CLSTN2: variants seen among roughly 807,000 people sequenced by gnomAD.
The protein encoded by CLSTN2 is calsyntenin 2, also known as calsyntenin-2.
CLSTN2 carries 48 observed loss-of-function variants against 101.2 expected under a neutral mutation model. The observed-to-expected ratio is 0.47, with a 90% confidence interval of 0.38 to 0.60. The LOEUF (loss-of-function observed/expected upper bound fraction) is 0.60, where lower values mean the gene tolerates loss of function less well. CLSTN2 is among the 20% of genes least tolerant of loss of function. The pLI is 0.00. For synonymous variants in CLSTN2, 481 were observed against 463.6 expected (o/e 1.04, Z -0.48); for missense variants, 1,160 against 1,238.2 (o/e 0.94, Z 0.95).
chr3:140,307,636 C>T (rs1472270164), intron 2 of CLSTN2, among the ~76,000 whole-genome samples: 2 of 152,096 alleles, frequency 1.3e-5, no homozygotes, highest in African/African-American at 4.8e-5. Context: ...TAGAGGGTAC[C>T]CATTAAATGT....
intron 2 of CLSTN2, among the ~76,000 whole-genome samples, chr3:140,402,425 G>T: frequency 6.6e-6 from 1 of 152,186 alleles, no homozygotes; most frequent in East Asian, 1.9e-4. Context: ...GGAATAAATT[G>T]ATATAAAATA....
intron 1 of CLSTN2, among the ~76,000 whole-genome samples, chr3:140,084,816 C>A (rs903571863): frequency 3.9e-5 from 6 of 152,200 alleles, no homozygotes; most frequent in African/African-American, 1.4e-4. Context: ...TCTACTCCTG[C>A]TTACCTACTT....
Position 140,076,625 on chromosome 3 carries a change from GTTT to G in CLSTN2, c.110-99300_110-99298del, listed in dbSNP as rs35645750. 6.3e-3 allele frequency among the ~76,000 whole-genome samples: 241 copies of G among 38,062 alleles called. 1 individual carries two copies. Among genetic ancestry groups the G allele is most frequent in the South Asian group, 0.014 (7 of 518 alleles). The allele number at this position is 38,062 out of a possible 152,430, so 25.0% of individuals were successfully genotyped here. ...CAATGACTCCCCTCTCACCAGCAGT[GTTT>G]TTTTTTTTTTTTTTTTTTTTTTTTT... On this transcript the variant is annotated intron_variant, in intron 1 of 16. Transcript: ENST00000458420.
intron 2 of CLSTN2, among the ~76,000 whole-genome samples, chr3:140,358,665 T>C (rs2087698353): frequency 6.6e-6 from 1 of 152,154 alleles, no homozygotes; most frequent in South Asian, 2.1e-4. Flanking sequence ...TTCTCAATAC[T>C]GGCAACTTAT....
rs1047182346 is a variant in CLSTN2, at chr3:140,207,355, C to A, written c.232+31282C>A. Among the ~76,000 whole-genome samples the A allele has an allele frequency of 3.3e-5, 5 of 152,262 alleles. No individual in the cohort carries two copies. The East Asian group carries it at 9.6e-4, about 29-fold the overall frequency. On this transcript the variant is annotated intron_variant, in intron 2 of 16. Transcript: ENST00000458420. The stretch of plus-strand genomic sequence containing the variant: ...AGAAAGGAGTTGGTCTAAAGATTCA[C>A]CATTCCCATCTTACCATTATATTTT...
intron 2 of CLSTN2, among the ~76,000 whole-genome samples, chr3:140,371,476 CAG>C (rs1360286067): frequency 6.6e-6 from 1 of 152,154 alleles, no homozygotes; most frequent in East Asian, 1.9e-4. Context: ...TGACCTTCCT[CAG>C]GGCTGGCTGG....
At chr3:140,198,396 G>A (rs1276744986) in intron 2 of CLSTN2, among the ~76,000 whole-genome samples, 1 of 152,128 alleles carries the variant, frequency 6.6e-6, no homozygotes, top group African/African-American at 2.4e-5. Flanking sequence ...AGCGTGACTG[G>A]GCCCTCTGTT....
chr3:140,188,643 A>C (rs2010515072), intron 2 of CLSTN2, among the ~76,000 whole-genome samples: 2 of 152,206 alleles, frequency 1.3e-5, no homozygotes, highest in African/African-American at 4.8e-5. Context: ...GAGACAGAGC[A>C]AGGAAAGAGA....
chr3:140,179,401 T>G (rs928143341), intron 2 of CLSTN2, among the ~76,000 whole-genome samples: 2 of 151,148 alleles, frequency 1.3e-5, no homozygotes, highest in African/African-American at 4.9e-5. Context: ...GAGGATTGCT[T>G]GAGCCCAGGA....
chr3:140,170,372 T>C (rs936050135), intron 1 of CLSTN2, among the ~76,000 whole-genome samples: 1 of 152,188 alleles, frequency 6.6e-6, no homozygotes, highest in Non-Finnish European at 1.5e-5. Flanking sequence ...GAATCAATCT[T>C]GACAAAGCAA....
At chr3:140,103,905 G>C (rs2009009718) in intron 1 of CLSTN2, among the ~76,000 whole-genome samples, 2 of 152,174 alleles carry the variant, frequency 1.3e-5, no homozygotes, top group Admixed American at 1.3e-4. Flanking sequence ...AATAATATCT[G>C]CCAATAATTG....
intron 2 of CLSTN2, among the ~76,000 whole-genome samples, chr3:140,207,991 GTCTC>G (rs1184502664): frequency 2.0e-5 from 3 of 152,122 alleles, no homozygotes; most frequent in Non-Finnish European, 4.4e-5. Context: ...ATGCAAAAAT[GTCTC>G]TCTCTAACTT....
intron 2 of CLSTN2, among the ~76,000 whole-genome samples, chr3:140,295,266 C>A (rs181651237): frequency 6.6e-6 from 1 of 151,988 alleles, no homozygotes. Context: ...ATTTTCTTTG[C>A]GCATTTCTTT....
chr3:140,451,778 T>C (rs1933257982), intron 6 of CLSTN2, among the ~76,000 whole-genome samples: 1 of 152,184 alleles, frequency 6.6e-6, no homozygotes, highest in African/African-American at 2.4e-5. Flanking sequence ...TCTGTGTGTC[T>C]TCAGTGGATG....
chr3:140,471,225 G>A (rs1280936693), intron 8 of CLSTN2, among the ~76,000 whole-genome samples: 1 of 152,144 alleles, frequency 6.6e-6, no homozygotes, highest in Non-Finnish European at 1.5e-5. Context: ...AGCACACACA[G>A]GATAGGTTGA....
chr3:140,005,141 C>A (rs1355279695), intron 1 of CLSTN2, among the ~76,000 whole-genome samples: 3 of 152,130 alleles, frequency 2.0e-5, no homozygotes, highest in Non-Finnish European at 4.4e-5. Context: ...GCACTAGAGA[C>A]CTTGGCCCAG....
intron 10 of CLSTN2, among the ~76,000 whole-genome samples, chr3:140,553,827 G>A (rs2107790038): frequency 6.6e-6 from 1 of 152,302 alleles, no homozygotes; most frequent in Non-Finnish European, 1.5e-5. Context: ...ACTGAGAAGT[G>A]TAGCCTCCGC....
At chr3:140,130,294 G>A (rs940882832) in intron 1 of CLSTN2, among the ~76,000 whole-genome samples, 2 of 152,194 alleles carry the variant, frequency 1.3e-5, no homozygotes, top group Non-Finnish European at 2.9e-5. Flanking sequence ...AAAAATTACA[G>A]TGCTCAGGGA....
intron 2 of CLSTN2, among the ~76,000 whole-genome samples, chr3:140,234,484 T>A (rs1276248899): frequency 6.6e-6 from 1 of 152,114 alleles, no homozygotes; most frequent in African/African-American, 2.4e-5. Flanking sequence ...GAAAGTAACA[T>A]CTAGCTACCA....
Sources: gnomAD v4.1 joint callset for allele counts (sites outside exome capture counted in the v4.1 genomes callset) on GRCh38, gnomAD v4.1.1 for gene constraint, MANE v1.5 for transcripts, NCBI Gene and HGNC (gene_info 2026-07-23, HGNC 2026-07-21) for gene names.